The following KMO variants were observed in gnomAD, a reference collection of about 807,000 sequenced individuals.
KMO encodes kynurenine 3-monooxygenase.
In KMO, 24 loss-of-function variants were observed where a neutral mutation model predicts 57.8. That is an observed-to-expected ratio of 0.42 (90% CI 0.30 to 0.58). KMO has a LOEUF of 0.58. Ranked by LOEUF, KMO falls within the 20% of genes least tolerant of loss-of-function variation. The pLI is 0.22. For synonymous variants in KMO, 210 were observed against 193.6 expected (o/e 1.08, Z -0.70); for missense variants, 483 against 588.2 (o/e 0.82, Z 1.85).
At chr1:241,590,785 G>T (rs572091569) in intron 14 of KMO, among the ~76,000 whole-genome samples, 92 of 152,246 alleles carry the variant, frequency 6.0e-4, no homozygotes, top group African/African-American at 2.1e-3. Context: ...AGCTGGCATG[G>T]TGATGAACAT....
At chr1:241,584,392 CTG>C (rs2147981294) in intron 10 of KMO, among the ~76,000 whole-genome samples, 1 of 152,338 alleles carries the variant, frequency 6.6e-6, no homozygotes, top group African/African-American at 2.4e-5. Context: ...CACTTTCACA[CTG>C]TTGGTGGGAG....
chr1:241,534,561 T>C (rs890827668), intron 1 of KMO, among the ~76,000 whole-genome samples: 1 of 152,258 alleles, frequency 6.6e-6, no homozygotes, highest in African/African-American at 2.4e-5. Flanking sequence ...CCTATTGTCA[T>C]TTTGTGCAAA....
At chr1:241,585,144 G>T (rs967614281) in intron 10 of KMO, among the ~76,000 whole-genome samples, 1 of 152,010 alleles carries the variant, frequency 6.6e-6, no homozygotes, top group East Asian at 1.9e-4. Context: ...CAGGAGAATC[G>T]CTTGAACCTG....
At chr1:241,568,985 G>A (rs1297439242) in intron 10 of KMO, among the ~76,000 whole-genome samples, 5 of 151,986 alleles carry the variant, frequency 3.3e-5, no homozygotes, top group African/African-American at 4.8e-5. Context: ...AACCTACAGA[G>A]AATCTCCCGT....
intron 11 of KMO, 98 bp from the exon 12 acceptor site, chr1:241,588,650 G>C: frequency 1.4e-6 from 1 of 739,486 alleles, no homozygotes; most frequent in Admixed American, 2.4e-5. Context: ...AAAAATTAGC[G>C]AGAGCATTGG....
chr1:241,541,221 G>C (rs1472961955), intron 1 of KMO, among the ~76,000 whole-genome samples: 5 of 152,194 alleles, frequency 3.3e-5, no homozygotes, highest in South Asian at 4.1e-4. Context: ...AAGATCTGCT[G>C]TGAGAGAGAC....
Position 241,549,682 on chromosome 1 carries a change from C to T in KMO, c.130C>T (p.Arg44Ter), listed in dbSNP as rs200403513. 18 of 1,609,800 alleles carry T rather than the reference C, an allele frequency of 1.1e-5. No homozygotes were observed. Among genetic ancestry groups the T allele is most frequent in the African/African-American group, 2.7e-5 (2 of 74,796 alleles). The change falls in exon 3 of 15, where the codon CGA (arginine) becomes TGA (stop). Residue 44 changes from arginine to a stop codon, truncating the protein, a stop_gained. Transcript: ENST00000366559. LOFTEE classifies it high-confidence loss of function. ...GTCTGCTTCCAATGTCTCAGATACT[C>T]GAGTGGCTACCTTCACACGTGGAAG... Reference protein sequence around the residue: ...IDVYEAREDTRVATFTRGRSI... With the variant: ...IDVYEAREDT
intron 1 of KMO, among the ~76,000 whole-genome samples, chr1:241,547,024 T>C (rs10926515): frequency 0.31 from 46,456 of 152,010 alleles, 7,966 homozygotes; most frequent in Non-Finnish European, 0.39. Flanking sequence ...GTATTGACTA[T>C]TGTTGAAAAT....
rs181276191 is a variant in KMO, at chr1:241,544,739, G to A, written c.55-4090G>A. Among the ~76,000 whole-genome samples, 29 of 152,114 alleles carry A rather than the reference G, an allele frequency of 1.9e-4. No individual in the cohort carries two copies. In the Middle Eastern group the frequency reaches 0.01, roughly 54 times the overall value. On this transcript the variant is annotated intron_variant, in intron 1 of 14. Coordinates refer to ENST00000366559, the MANE Select transcript of KMO (RefSeq NM_003679.5). ...TGTGAGCCCAGGGCTATTTTGCAAGGGGTCTGTGAAATAACATGCATACAA... is the reference window on the plus strand; with the variant it reads ...TGTGAGCCCAGGGCTATTTTGCAAGAGGTCTGTGAAATAACATGCATACAA...
At chr1:241,539,261 G>A (rs1660865179) in intron 1 of KMO, among the ~76,000 whole-genome samples, 1 of 152,116 alleles carries the variant, frequency 6.6e-6, no homozygotes, top group Middle Eastern at 3.2e-3. Context: ...GTGTGTGCCT[G>A]TAGTCCCAGT....
chr1:241,548,963 C>A, intron 2 of KMO, 65 bp downstream of exon 2: 8 of 1,055,160 alleles, frequency 7.6e-6, no homozygotes, highest in Non-Finnish European at 8.9e-6. Flanking sequence ...CTTTGGGAGG[C>A]CAGGGCACAT....
At position 241,548,819 on chromosome 1, in the gene KMO, T is replaced by TA; in HGVS notation, c.55-8dup. 1 of 1,537,254 alleles carries TA rather than the reference T, an allele frequency of 6.5e-7. No individual in the cohort carries two copies. The highest frequency in any genetic ancestry group is 9.0e-7 in the Non-Finnish European group (1 of 1,114,338). The stretch of plus-strand genomic sequence containing the variant: ...ATCAGATAAATATTTAATTTTTTTT[T>TA]AATTTCTAGGTTGGCTCATTACAAG... On this transcript the variant is annotated splice_polypyrimidine_tract_variant and intron_variant, in intron 1 of 14. Transcript: ENST00000366559.
chr1:241,560,544 C>T, intron 5 of KMO, 121 bp from the exon 6 acceptor site: 3 of 689,352 alleles, frequency 4.4e-6, no homozygotes, highest in South Asian at 3.6e-5. Context: ...CTTATTTTTA[C>T]ATTGTTATGA....
chr1:241,575,589 T>C (rs1408790806), intron 10 of KMO, among the ~76,000 whole-genome samples: 1 of 152,084 alleles, frequency 6.6e-6, no homozygotes, highest in Non-Finnish European at 1.5e-5. Context: ...GATTTCCTTT[T>C]GGAATTAATC....
chr1:241,560,286 G>A (rs886743297), intron 5 of KMO, among the ~76,000 whole-genome samples: 4 of 152,162 alleles, frequency 2.6e-5, no homozygotes, highest in Admixed American at 2.0e-4. Context: ...TGCGTAATAT[G>A]AGGAAAGGAG....
At chr1:241,575,276 G>A (rs1276179613) in intron 10 of KMO, among the ~76,000 whole-genome samples, 3 of 151,788 alleles carry the variant, frequency 2.0e-5, no homozygotes, top group Non-Finnish European at 2.9e-5. Context: ...GTTCTCCTCC[G>A]ATCTTTGTTT....
At chr1:241,534,554 A>G (rs1660689090) in intron 1 of KMO, among the ~76,000 whole-genome samples, 1 of 152,244 alleles carries the variant, frequency 6.6e-6, no homozygotes, top group Non-Finnish European at 1.5e-5. Context: ...TTTGATTCCT[A>G]TTGTCATTTT....
At chr1:241,562,449 A>G in intron 7 of KMO, 117 bp downstream of exon 7, 1 of 955,936 alleles carries the variant, frequency 1.0e-6, no homozygotes, top group Non-Finnish European at 1.6e-6. Flanking sequence ...GGCCTATCAC[A>G]AGAACTTTGT....
At position 241,543,715 on chromosome 1, in the gene KMO, C is replaced by T. The variant is rs143966232; in HGVS notation, c.55-5114C>T. Among the ~76,000 whole-genome samples, 4 of 152,180 alleles carry T rather than the reference C, an allele frequency of 2.6e-5. No individual in the cohort carries two copies. In the East Asian group the frequency reaches 7.7e-4, roughly 29 times the overall value. On this transcript the variant is annotated intron_variant, in intron 1 of 14. Coordinates refer to ENST00000366559, the MANE Select transcript of KMO (RefSeq NM_003679.5). ...AATTACAAGCAATGTGTAGGAGATC[C>T]CATTAGGCCTCATCTTCTCTAGCAC...
Sources: gnomAD v4.1 joint callset for allele counts (sites outside exome capture counted in the v4.1 genomes callset) on GRCh38, gnomAD v4.1.1 for gene constraint, MANE v1.5 for transcripts, NCBI Gene and HGNC (gene_info 2026-07-23, HGNC 2026-07-21) for gene names.